The following LRBA variants were observed in gnomAD, a reference collection of about 807,000 sequenced individuals.
LRBA encodes LPS responsive beige-like anchor protein, also known as lipopolysaccharide-responsive and beige-like anchor protein.
A neutral mutation model predicts 330.0 loss-of-function variants in LRBA; 176 were observed. The ratio of observed to expected loss-of-function variants is 0.53; its 90% CI spans 0.47 to 0.60. The LOEUF is 0.60. LRBA is among the 20% of genes least tolerant of loss of function. The pLI, the probability that LRBA is intolerant of heterozygous loss-of-function variation, is 0.00. For synonymous variants in LRBA, 1,230 were observed against 1,193.0 expected (o/e 1.03, Z -0.64); for missense variants, 3,259 against 3,444.8 (o/e 0.95, Z 1.35).
chr4:150,806,158 G>C (rs1372293179), intron 33 of LRBA, 113 bp downstream of exon 33: 1 of 738,894 alleles, frequency 1.4e-6, no homozygotes, highest in Non-Finnish European at 2.1e-6. Flanking sequence ...GAGAAACCTT[G>C]TCAAAGGCTG....
intron 40 of LRBA, chr4:150,579,717 G>C (rs1420546310): frequency 1.3e-5 from 6 of 456,478 alleles, no homozygotes; most frequent in Non-Finnish European, 2.6e-5. Context: ...GCTCGGCCTG[G>C]GACGCCCCAC....
At chr4:150,693,481 G>C (rs1384823436) in intron 36 of LRBA, among the ~76,000 whole-genome samples, 1 of 137,102 alleles carries the variant, frequency 7.3e-6, no homozygotes, top group Non-Finnish European at 1.6e-5. Flanking sequence ...GGAGAATGGC[G>C]TGAACCCGGG....
At chr4:150,450,275 C>T (rs931071750) in intron 44 of LRBA, among the ~76,000 whole-genome samples, 3 of 152,140 alleles carry the variant, frequency 2.0e-5, no homozygotes, top group Admixed American at 6.5e-5. Flanking sequence ...TTTCCTAGGG[C>T]TCCTATAACT....
chr4:150,626,783 C>G (rs183744574), intron 37 of LRBA, among the ~76,000 whole-genome samples: 426 of 152,058 alleles, frequency 2.8e-3, no homozygotes, highest in Non-Finnish European at 3.8e-3. Context: ...AATGGGATTA[C>G]CATTAGAAGA....
At chr4:150,754,512 C>T (rs1390912775) in intron 35 of LRBA, among the ~76,000 whole-genome samples, 2 of 118,296 alleles carry the variant, frequency 1.7e-5, no homozygotes, top group Non-Finnish European at 3.5e-5. Flanking sequence ...GAACAAGACC[C>T]TGTCTCACCA....
rs1398128807 is a variant in LRBA, at chr4:150,867,799, T to C, written c.2638A>G (p.Asn880Asp). 6.2e-7 allele frequency: 1 copy of C among 1,613,730 alleles called. No homozygotes were observed. The highest frequency in any genetic ancestry group is 8.5e-7 in the Non-Finnish European group (1 of 1,179,882). ...MLSLCYFNPK[N>D]SDEQKITEMV... ...TCTGTTATCTTTTGCTCATCTGAAT[T>C]CTTAGGATTAAAATAGCAGAGAGAA... The change falls in exon 22 of 57, where the codon AAT (asparagine) becomes GAT (aspartate). Residue 880 changes from asparagine (N) to aspartate (D), a missense_variant. Asn to Asp is a conservative substitution (Grantham distance 23). Coordinates refer to ENST00000651943, the MANE Select transcript of LRBA (RefSeq NM_001364905.1).
At chr4:150,850,187 G>A (rs774068968) in intron 24 of LRBA, among the ~76,000 whole-genome samples, 4 of 151,046 alleles carry the variant, frequency 2.6e-5, no homozygotes, top group South Asian at 2.1e-4. Flanking sequence ...GCCACCTCCC[G>A]GGTTCACACC....
At chr4:150,767,857 A>T (rs994659038) in intron 34 of LRBA, among the ~76,000 whole-genome samples, 5 of 151,538 alleles carry the variant, frequency 3.3e-5, no homozygotes, top group Non-Finnish European at 5.9e-5. Flanking sequence ...AGGTCAGGAG[A>T]TCAAGACCAA....
intron 40 of LRBA, among the ~76,000 whole-genome samples, chr4:150,561,147 ATATT>A (rs1361328544): frequency 2.0e-4 from 30 of 152,162 alleles, no homozygotes; most frequent in African/African-American, 5.8e-4. Flanking sequence ...TACCAATAAT[ATATT>A]TATTAATATG....
intron 30 of LRBA, among the ~76,000 whole-genome samples, chr4:150,825,889 A>G (rs1206075954): frequency 1.3e-5 from 2 of 152,204 alleles, no homozygotes; most frequent in South Asian, 2.1e-4. Flanking sequence ...TGCCATTTCC[A>G]AAGAAATTAA....
rs1305345904 is a variant in LRBA, at chr4:150,968,294, T to C, written c.217-39229A>G. Among the ~76,000 whole-genome samples, 10 of 152,306 alleles carry C rather than the reference T, an allele frequency of 6.6e-5. No individual in the cohort carries two copies. In the South Asian group the frequency reaches 1.9e-3, roughly 28 times the overall value. ...CTGGGATCACAGGCATGAGCCACTG[T>C]GCCCGGCCGCACATCTCTCATTTTA... On this transcript the variant is annotated intron_variant, in intron 2 of 56. Coordinates refer to ENST00000651943, the MANE Select transcript of LRBA (RefSeq NM_001364905.1).
chr4:150,925,564 CTA>C (rs2149502524), intron 4 of LRBA, among the ~76,000 whole-genome samples: 1 of 152,304 alleles, frequency 6.6e-6, no homozygotes, highest in East Asian at 1.9e-4. Flanking sequence ...ATATCCCAAA[CTA>C]TACTTGCCAT....
At chr4:150,956,424 C>A (rs1659956391) in intron 2 of LRBA, among the ~76,000 whole-genome samples, 1 of 148,870 alleles carries the variant, frequency 6.7e-6, no homozygotes, top group African/African-American at 2.6e-5. Context: ...GCCCAGGTGG[C>A]TTCACTGGTG....
At chr4:150,893,255 CAT>C (rs1379464811) in intron 16 of LRBA, 106 bp from the exon 17 acceptor site, 89 of 634,918 alleles carry the variant, frequency 1.4e-4, no homozygotes, top group African/African-American at 1.1e-3. Context: ...TATAAGTAGA[CAT>C]ATGTGTGATA....
intron 37 of LRBA, among the ~76,000 whole-genome samples, chr4:150,629,959 A>C (rs1366822837): frequency 6.6e-6 from 1 of 152,162 alleles, no homozygotes; most frequent in Non-Finnish European, 1.5e-5. Flanking sequence ...AACAAGAGCA[A>C]AACTCAGTAT....
intron 2 of LRBA, among the ~76,000 whole-genome samples, chr4:150,939,327 G>A (rs547376327): frequency 2.0e-5 from 3 of 152,276 alleles, no homozygotes; most frequent in South Asian, 2.1e-4. Context: ...CTTATAAAGA[G>A]GGAAAATTTG....
At chr4:150,734,704 T>C (rs562534607) in intron 36 of LRBA, among the ~76,000 whole-genome samples, 1 of 152,266 alleles carries the variant, frequency 6.6e-6, no homozygotes, top group South Asian at 2.1e-4. Context: ...GCACAACTAC[T>C]GAGATAAGCA....
chr4:150,509,210 C>T (rs963497713), intron 40 of LRBA, among the ~76,000 whole-genome samples: 1 of 151,658 alleles, frequency 6.6e-6, no homozygotes, highest in African/African-American at 2.4e-5. Flanking sequence ...CCTATATATA[C>T]CATTATTATT....
intron 34 of LRBA, among the ~76,000 whole-genome samples, chr4:150,794,666 A>T (rs1215634141): frequency 1.3e-5 from 2 of 152,140 alleles, no homozygotes; most frequent in Admixed American, 1.3e-4. Flanking sequence ...CCAAAACAGC[A>T]ACAATCTACA....
Sources: gnomAD v4.1 joint callset for allele counts (sites outside exome capture counted in the v4.1 genomes callset) on GRCh38, gnomAD v4.1.1 for gene constraint, MANE v1.5 for transcripts, NCBI Gene and HGNC (gene_info 2026-07-23, HGNC 2026-07-21) for gene names.